The following ACSBG1 variants were observed in gnomAD, a reference collection of about 807,000 sequenced individuals.
The protein encoded by ACSBG1 is acyl-CoA synthetase bubblegum family member 1.
A neutral mutation model predicts 80.2 loss-of-function variants in ACSBG1; 39 were observed. The ratio of observed to expected loss-of-function variants is 0.49; its 90% CI spans 0.38 to 0.64. ACSBG1 has a LOEUF of 0.64. ACSBG1 is among the 30% of genes least tolerant of loss of function. ACSBG1 has a pLI of 0.00. For synonymous variants in ACSBG1, 392 were observed against 379.5 expected, an observed-to-expected ratio of 1.03 and a Z score of -0.38; for missense variants, 828 against 966.4, an observed-to-expected ratio of 0.86 and a Z score of 1.90.
chr15:78,192,652 A>G (rs2075066334), intron 5 of ACSBG1, among the ~76,000 whole-genome samples: 1 of 152,098 alleles, frequency 6.6e-6, no homozygotes, highest in Non-Finnish European at 1.5e-5. Flanking sequence ...TTTCTCTTTC[A>G]GGCTTCAGGA....
At position 78,178,514 on chromosome 15, in the gene ACSBG1, G is replaced by A; in HGVS notation, c.1702+100C>T. 4.6e-6 allele frequency: 6 copies of A among 1,304,876 alleles called. No homozygotes were observed. Among genetic ancestry groups the A allele is most frequent in the Non-Finnish European group, 6.2e-6 (6 of 965,724 alleles). 80.8% of individuals were successfully genotyped at this position (1,304,876 alleles called of 1,614,324 possible). A position where few individuals can be genotyped will look rare whatever the true frequency, so the allele number is the denominator to read the frequency against. ...ATGGGGTTTCGCTGTGCTGCCCAGGGTGGTCTTGAACTCCTGAGCTCAGAC... is the reference window on the plus strand; with the variant it reads ...ATGGGGTTTCGCTGTGCTGCCCAGGATGGTCTTGAACTCCTGAGCTCAGAC... On this transcript the variant is annotated intron_variant, in intron 11 of 13. Transcript: ENST00000258873. This position sits in a 1 kb window ranked among gnomAD's most constrained non-coding sequence, Gnocchi z 4.3.
In ACSBG1 at chr15:78,169,832, T is replaced by A. The variant is rs2074797343; in HGVS notation, c.*1612A>T. 1 of 152,224 alleles carries A rather than the reference T, an allele frequency of 6.6e-6. No individual in the cohort carries two copies. Among genetic ancestry groups the A allele is most frequent in the African/African-American group, 2.4e-5 (1 of 41,452 alleles). 9.4% of individuals were successfully genotyped at this position (152,224 alleles called of 1,614,324 possible). A position where few individuals can be genotyped will look rare whatever the true frequency, so the allele number is the denominator to read the frequency against. ...GCCCCTGATCTGAAGCCAGAAGGGC[T>A]GAGTGTATTGTAAACTTATTCTTGC... On this transcript the variant is annotated 3_prime_UTR_variant, in exon 14 of 14. Transcript: ENST00000258873.
At chr15:78,194,399 T>A in intron 3 of ACSBG1, 107 bp downstream of exon 3, 1 of 1,039,150 alleles carries the variant, frequency 9.6e-7, no homozygotes, top group African/African-American at 1.6e-5. Flanking sequence ...CAGTTATTGT[T>A]CCTAAGAGCC....
intron 3 of ACSBG1, among the ~76,000 whole-genome samples, chr15:78,194,224 G>C (rs947167082): frequency 6.6e-6 from 1 of 152,240 alleles, no homozygotes; most frequent in Non-Finnish European, 1.5e-5. Context: ...CAGCGAGTCT[G>C]TCCGGCCCCT....
Position 78,172,583 on chromosome 15 carries a change from T to G in ACSBG1, c.2089+1010A>C, listed in dbSNP as rs1185510379. 6.6e-6 allele frequency among the ~76,000 whole-genome samples: 1 copy of G among 152,230 alleles called. No individual in the cohort carries two copies. The highest frequency in any genetic ancestry group is 1.5e-5 in the Non-Finnish European group (1 of 68,042). On this transcript the variant is annotated intron_variant, in intron 13 of 13. Transcript: ENST00000258873. This position sits in a 1 kb window ranked among gnomAD's most constrained non-coding sequence, Gnocchi z 4.1. ...TCTGTGTTAAAGTCATTATATTAAC[T>G]GCTTAGTGAAGACATCTTCTGTCTC...
intron 5 of ACSBG1, among the ~76,000 whole-genome samples, chr15:78,184,780 T>C (rs890531214): frequency 6.6e-6 from 1 of 152,190 alleles, no homozygotes; most frequent in African/African-American, 2.4e-5. Flanking sequence ...ACAAATAGAA[T>C]AGCTGGGTGG....
chr15:78,182,181 CA>C, intron 7 of ACSBG1, 36 bp from the exon 8 acceptor site: 1 of 1,592,232 alleles, frequency 6.3e-7, no homozygotes. Flanking sequence ...GCAGTGTCCA[CA>C]AGCCAGCCCT....
At chr15:78,231,225 G>A (rs1294841537) in intron 1 of ACSBG1, among the ~76,000 whole-genome samples, 3 of 151,962 alleles carry the variant, frequency 2.0e-5, no homozygotes, top group African/African-American at 7.3e-5. Context: ...GATTCAAGCA[G>A]TTCTCCTGCC....
At chr15:78,194,171 G>A in intron 3 of ACSBG1, 151 bp from the exon 4 acceptor site, 2 of 768,880 alleles carry the variant, frequency 2.6e-6, no homozygotes, top group South Asian at 3.4e-5. Flanking sequence ...AGGAGAAGGG[G>A]TTGGTCACTC....
intron 1 of ACSBG1, among the ~76,000 whole-genome samples, chr15:78,223,190 C>T (rs1307597599): frequency 1.3e-5 from 2 of 148,642 alleles, no homozygotes; most frequent in Admixed American, 6.8e-5. Flanking sequence ...CTATCTTGAA[C>T]GCGCGATGTT....
chr15:78,176,615 T>G (rs2074885191), intron 11 of ACSBG1, among the ~76,000 whole-genome samples: 1 of 152,112 alleles, frequency 6.6e-6, no homozygotes, highest in African/African-American at 2.4e-5. Flanking sequence ...AGGAAAGATG[T>G]GCAAAAATCT....
chr15:78,214,061 A>G (rs561599223), intron 1 of ACSBG1, among the ~76,000 whole-genome samples: 1 of 152,304 alleles, frequency 6.6e-6, no homozygotes, highest in African/African-American at 2.4e-5. Context: ...TTAGCCAACC[A>G]TCCCAGCTCC....
At position 78,168,948 on chromosome 15, in the gene ACSBG1, T is replaced by C. The variant is rs1017642843; in HGVS notation, c.*2496A>G. ...GCTTGACAAAAGATTTGGGAGGCAA[T>C]GCAAAATGCTCAGACTTCACAGAGG... On this transcript the variant is annotated 3_prime_UTR_variant, in exon 14 of 14. Transcript: ENST00000258873. 2.7e-5 allele frequency: 44 copies of C among 1,603,754 alleles called. No homozygotes were observed. The highest frequency in any genetic ancestry group is 3.5e-5 in the Non-Finnish European group (41 of 1,171,680).
At chr15:78,174,762 G>A (rs1263033405) in intron 11 of ACSBG1, 5 of 538,896 alleles carry the variant, frequency 9.3e-6, no homozygotes, top group African/African-American at 3.8e-5. Context: ...TGTCATCCAC[G>A]ACTCAGCCTG....
At position 78,182,049 on chromosome 15, in the gene ACSBG1, T is replaced by C; in HGVS notation, c.991A>G (p.Ile331Val). The C allele has an allele frequency of 6.2e-7, 1 of 1,613,934 alleles. No individual in the cohort carries two copies. The highest frequency in any genetic ancestry group is 2.2e-5 in the East Asian group (1 of 44,854). Residue 331 changes from isoleucine (I) to valine (V), a missense_variant, in exon 8 of 14, where the codon ATT becomes GTT. Physicochemically the swap from Ile to Val is conservative, Grantham distance 29 (BLOSUM62 3). Coordinates refer to ENST00000258873, the MANE Select transcript of ACSBG1 (RefSeq NM_015162.5). The stretch of plus-strand genomic sequence containing the variant: ...CACAGGTCGTAGATCTGGGCGGCAA[T>C]ATGGCTGAGGGGCAGGTAGCTGACT... ...VVVSYLPLSH[I>V]AAQIYDLWTG...
At chr15:78,215,756 AAG>A (rs750313086) in intron 1 of ACSBG1, among the ~76,000 whole-genome samples, 5 of 150,488 alleles carry the variant, frequency 3.3e-5, no homozygotes, top group Non-Finnish European at 7.4e-5. Flanking sequence ...GAAAGAAAGA[AAG>A]AAAGAAAGAA....
intron 12 of ACSBG1, among the ~76,000 whole-genome samples, 188 bp from the exon 13 acceptor site, chr15:78,174,027 G>C (rs1342045412): frequency 6.6e-6 from 1 of 152,202 alleles, no homozygotes; most frequent in Non-Finnish European, 1.5e-5. Context: ...GCAGTGATCT[G>C]AGAATTAGAA....
At chr15:78,203,942 G>A (rs2075190721) in intron 2 of ACSBG1, among the ~76,000 whole-genome samples, 1 of 152,212 alleles carries the variant, frequency 6.6e-6, no homozygotes, top group South Asian at 2.1e-4. Context: ...ACCCTGTGCT[G>A]AGGGCCAGCC....
At position 78,182,471 on chromosome 15, in the gene ACSBG1, C is replaced by T; in HGVS notation, c.889G>A (p.Asp297Asn). The T allele has an allele frequency of 6.2e-7, 1 of 1,614,030 alleles. No individual in the cohort carries two copies. Among genetic ancestry groups the T allele is most frequent in the Non-Finnish European group, 8.5e-7 (1 of 1,179,992 alleles). The change falls in exon 7 of 14, where the codon GAC becomes AAC. Residue 297 changes from aspartate (D) to asparagine (N), a missense_variant. Asp to Asn is a conservative substitution (Grantham distance 23). Transcript: ENST00000258873. Reference protein sequence around the residue: ...GNPKGVMLSQDNITWTARYGS... With the variant: ...GNPKGVMLSQNNITWTARYGS... ...CCACCGGGCATCTGTCCTACATTGT[C>T]TTGACTCAGCATCACGCCCTTGGGG...
Sources: gnomAD v4.1 joint callset for allele counts (sites outside exome capture counted in the v4.1 genomes callset) on GRCh38, gnomAD v4.1.1 for gene constraint, Gnocchi (gnomAD v3.1) non-coding constraint, MANE v1.5 for transcripts, NCBI Gene and HGNC (gene_info 2026-07-23, HGNC 2026-07-21) for gene names.